NADSYN1: variants seen among roughly 807,000 people sequenced by gnomAD.
The protein encoded by NADSYN1 is glutamine-dependent NAD(+) synthetase.
In NADSYN1, 80 loss-of-function variants were observed where a neutral mutation model predicts 99.3. That is an observed-to-expected ratio of 0.81 (90% CI 0.67 to 0.97). The LOEUF is 0.97. NADSYN1 is among the 50% of genes least tolerant of loss of function. The probability of loss-of-function intolerance (pLI) is 0.00; values close to 1 mark genes in which losing one functional copy is unlikely to be tolerated. For synonymous variants in NADSYN1, 385 were observed against 372.1 expected (o/e 1.03, Z -0.40); for missense variants, 859 against 948.5 (o/e 0.91, Z 1.24).
intron 13 of NADSYN1, 142 bp from the exon 14 acceptor site, chr11:71,482,707 C>A: frequency 1.5e-6 from 1 of 660,784 alleles, no homozygotes; most frequent in Non-Finnish European, 2.3e-6. Context: ...GGGTGTAGAC[C>A]GGGGTGGAGC....
chr11:71,498,037 G>A (rs1949831496), intron 19 of NADSYN1, among the ~76,000 whole-genome samples: 1 of 152,208 alleles, frequency 6.6e-6, no homozygotes, highest in Non-Finnish European at 1.5e-5. Context: ...ATCAGAGGCA[G>A]GGAGACCCCA....
intron 3 of NADSYN1, chr11:71,460,290 G>A (rs1371600339): frequency 6.6e-6 from 1 of 152,250 alleles, no homozygotes; most frequent in Non-Finnish European, 1.5e-5. Flanking sequence ...ACGACCACAA[G>A]GACTTACTCT....
chr11:71,455,960 T>C (rs963598507), intron 2 of NADSYN1, among the ~76,000 whole-genome samples: 4 of 152,226 alleles, frequency 2.6e-5, no homozygotes, highest in Non-Finnish European at 5.9e-5. Context: ...AACAAAACAA[T>C]GAGTAGCCAC....
intron 8 of NADSYN1, 31 bp downstream of exon 8, chr11:71,473,717 A>G (rs1949645324): frequency 6.7e-7 from 1 of 1,488,272 alleles, no homozygotes; most frequent in Middle Eastern, 1.7e-4. Context: ...CGTGCGCCAC[A>G]GGGCAGACAC....
chr11:71,480,820 G>T lies in NADSYN1; in HGVS notation c.939G>T (p.Leu313Phe). The change falls in exon 11 of 21, where the codon TTG becomes TTT. Residue 313 changes from leucine to phenylalanine, a missense_variant. By Grantham distance (22) the Leu-to-Phe change is conservative. Coordinates refer to ENST00000319023, the MANE Select transcript of NADSYN1 (RefSeq NM_018161.5). ...VDFALSCHEDLLAPISEPIEW... is the reference protein window; with the variant it reads ...VDFALSCHEDFLAPISEPIEW... The stretch of plus-strand genomic sequence containing the variant: ...TTGCCCTCTCGTGCCACGAGGACTT[G>T]CTGGCACCCATCTCTGAGCCCATCG... 6.2e-7 allele frequency: 1 copy of T among 1,614,180 alleles called. No homozygotes were observed. The highest frequency in any genetic ancestry group is 8.5e-7 in the Non-Finnish European group (1 of 1,180,028).
At chr11:71,456,876 C>G (rs570836830) in intron 2 of NADSYN1, among the ~76,000 whole-genome samples, 103 of 152,322 alleles carry the variant, frequency 6.8e-4, no homozygotes, top group African/African-American at 2.3e-3. Context: ...CTGAGCACAC[C>G]GCCTCTTGTT....
At position 71,491,810 on chromosome 11, in the gene NADSYN1, G is replaced by A. The variant is rs376145270; in HGVS notation, c.1695-24G>A. On this transcript the variant is annotated intron_variant, in intron 17 of 20. Transcript: ENST00000319023. Reference sequence around the variant, plus strand: ...CACCACCCTCGCAGCTGCACTGACCGACCTCTGTGTGTTTTGGCTGCAGCA... The same window carrying A: ...CACCACCCTCGCAGCTGCACTGACCAACCTCTGTGTGTTTTGGCTGCAGCA... 8 of 1,612,572 alleles carry A rather than the reference G, an allele frequency of 5.0e-6. No homozygotes were observed. The African/African-American group carries it at 5.3e-5, about 11-fold the overall frequency.
chr11:71,458,235 C>T (rs562644799), intron 2 of NADSYN1, among the ~76,000 whole-genome samples, 193 bp from the exon 3 acceptor site: 10 of 152,300 alleles, frequency 6.6e-5, no homozygotes, highest in African/African-American at 1.9e-4. Context: ...CCGTGCTCTT[C>T]GCTTTCAGTA....
chr11:71,494,695 A>G (rs771742648), intron 18 of NADSYN1, among the ~76,000 whole-genome samples: 24 of 152,032 alleles, frequency 1.6e-4, no homozygotes, highest in African/African-American at 4.8e-4. Flanking sequence ...GCTGGGATTT[A>G]CAGACATGCA....
intron 16 of NADSYN1, among the ~76,000 whole-genome samples, chr11:71,487,853 A>C (rs1377577437): frequency 5.9e-5 from 9 of 151,564 alleles, no homozygotes; most frequent in Admixed American, 2.6e-4. Flanking sequence ...AAAAAAAAGA[A>C]AAGAAAAGAA....
chr11:71,456,693 T>C (rs1949517071), intron 2 of NADSYN1, among the ~76,000 whole-genome samples: 1 of 152,192 alleles, frequency 6.6e-6, no homozygotes, highest in Non-Finnish European at 1.5e-5. Flanking sequence ...ATTTTAAAAG[T>C]GGGAGGATGT....
chr11:71,498,428 A>G lies in NADSYN1; in HGVS notation c.1970A>G (p.Tyr657Cys), dbSNP rs766614421. 7 of 1,614,226 alleles carry G rather than the reference A, an allele frequency of 4.3e-6. No individual in the cohort carries two copies. The highest frequency in any genetic ancestry group is 3.3e-4 in the Middle Eastern group (2 of 6,060). Residue 657 changes from tyrosine (Y) to cysteine (C), a missense_variant, in exon 20 of 21, where the codon TAC becomes TGC. By Grantham distance (194) the Tyr-to-Cys change is radical. Coordinates refer to ENST00000319023, the MANE Select transcript of NADSYN1 (RefSeq NM_018161.5). The stretch of plus-strand genomic sequence containing the variant: ...AAGATGACCACGCTCACACCCGCGT[A>G]CCACGCCGAGAACTACAGCCCTGAG... Reference protein sequence around the residue: ...RHKMTTLTPAYHAENYSPEDN... With the variant: ...RHKMTTLTPACHAENYSPEDN...
chr11:71,488,416 C>T (rs1325126360), intron 16 of NADSYN1, among the ~76,000 whole-genome samples: 2 of 152,042 alleles, frequency 1.3e-5, no homozygotes, highest in African/African-American at 2.4e-5. Flanking sequence ...GGAGAAGAGC[C>T]CGTGAAGCCC....
At chr11:71,490,998 G>A in intron 17 of NADSYN1, 22 bp downstream of exon 17, 1 of 1,613,504 alleles carries the variant, frequency 6.2e-7, no homozygotes, top group East Asian at 2.2e-5. Flanking sequence ...CACGGGCTGT[G>A]GCTCCACAGC....
chr11:71,461,354 T>C (rs530127882), intron 3 of NADSYN1, among the ~76,000 whole-genome samples: 1 of 152,316 alleles, frequency 6.6e-6, no homozygotes, highest in Admixed American at 6.5e-5. Context: ...CAAGTTTGTG[T>C]TCGTCAGGCA....
intron 1 of NADSYN1, among the ~76,000 whole-genome samples, chr11:71,454,540 A>G (rs1372898803): frequency 6.6e-6 from 1 of 152,168 alleles, no homozygotes. Flanking sequence ...TTAAATATCA[A>G]CCTGCTTTCA....
At position 71,453,260 on chromosome 11, in the gene NADSYN1, C is replaced by A. The variant is rs1391568282; in HGVS notation, c.-37C>A. ...CTCGCTGGGACCCTGGTCTTGCTGT[C>A]CCCCGCTGGCCTCCTGCCCAAGCGA... On this transcript the variant is annotated 5_prime_UTR_variant, in exon 1 of 21. Coordinates refer to ENST00000319023, the MANE Select transcript of NADSYN1 (RefSeq NM_018161.5). The A allele has an allele frequency of 4.4e-6, 7 of 1,593,526 alleles. No homozygotes were observed. Among genetic ancestry groups the A allele is most frequent in the Non-Finnish European group, 6.0e-6 (7 of 1,164,510 alleles).
chr11:71,469,285 G>A (rs573919499), intron 5 of NADSYN1, among the ~76,000 whole-genome samples: 14 of 152,268 alleles, frequency 9.2e-5, no homozygotes, highest in African/African-American at 2.2e-4. Flanking sequence ...CCTGGGCAAC[G>A]TGGTGAAACC....
chr11:71,456,634 A>G (rs1465921304), intron 2 of NADSYN1, among the ~76,000 whole-genome samples: 1 of 152,186 alleles, frequency 6.6e-6, no homozygotes. Flanking sequence ...TCTCTCTCCT[A>G]TAAATGTTAC....
Sources: gnomAD v4.1 joint callset for allele counts (sites outside exome capture counted in the v4.1 genomes callset) on GRCh38, gnomAD v4.1.1 for gene constraint, MANE v1.5 for transcripts, NCBI Gene and HGNC (gene_info 2026-07-23, HGNC 2026-07-21) for gene names.